Variants in CPED1 observed in about 807,000 individuals in gnomAD.
CPED1 encodes the protein cadherin like and PC-esterase domain containing 1.
In CPED1, 114 loss-of-function variants were observed where a neutral mutation model predicts 128.2. That is an observed-to-expected ratio of 0.89 (90% confidence interval 0.76 to 1.04). CPED1 has a LOEUF of 1.04. CPED1 is among the 50% of genes least tolerant of loss of function. The pLI, the probability that CPED1 is intolerant of heterozygous loss-of-function variation, is 0.00. For missense variants in CPED1, 1,211 were observed against 1,207.1 expected, an observed-to-expected ratio of 1.00 and a Z score of -0.05; for synonymous variants, 462 against 426.7, an observed-to-expected ratio of 1.08 and a Z score of -1.02.
intron 22 of CPED1, among the ~76,000 whole-genome samples, chr7:121,292,211 T>G (rs562483632): frequency 6.6e-6 from 1 of 152,046 alleles, no homozygotes; most frequent in South Asian, 2.1e-4. Context: ...TTCATTCCTT[T>G]TCTTTTCATT....
At chr7:121,120,409 G>A (rs2116300341) in intron 7 of CPED1, among the ~76,000 whole-genome samples, 1 of 152,246 alleles carries the variant, frequency 6.6e-6, no homozygotes, top group Admixed American at 6.5e-5. Flanking sequence ...GTGATATCGA[G>A]CATCTTTTTA....
intron 16 of CPED1, among the ~76,000 whole-genome samples, chr7:121,149,368 A>G (rs569996832): frequency 4.6e-5 from 7 of 152,262 alleles, no homozygotes; most frequent in Non-Finnish European, 8.8e-5. Flanking sequence ...TTCAATCATG[A>G]TCTGTTTCAG....
chr7:121,092,159 C>G (rs1794588115), intron 5 of CPED1, among the ~76,000 whole-genome samples: 1 of 152,170 alleles, frequency 6.6e-6, no homozygotes, highest in African/African-American at 2.4e-5. Flanking sequence ...TGGATCCCTT[C>G]CTGGGACTGC....
Position 121,249,946 on chromosome 7 carries a change from G to C in CPED1, c.2310+5608G>C, listed in dbSNP as rs542526956. On this transcript the variant is annotated intron_variant, in intron 18 of 22. Coordinates refer to ENST00000310396, the MANE Select transcript of CPED1 (RefSeq NM_024913.5). ...AAGTTAACAAGGATATCCAGGAATTGAACTCAGCTCTGCACCAAGCGGAAC... is the reference window on the plus strand; with the variant it reads ...AAGTTAACAAGGATATCCAGGAATTCAACTCAGCTCTGCACCAAGCGGAAC... Among the ~76,000 whole-genome samples, 14 of 152,242 alleles carry C rather than the reference G, an allele frequency of 9.2e-5. No individual in the cohort carries two copies. In the East Asian group the frequency reaches 2.5e-3, roughly 27 times the overall value.
chr7:121,081,308 G>T (rs1457638293), intron 5 of CPED1, among the ~76,000 whole-genome samples: 6 of 152,050 alleles, frequency 3.9e-5, no homozygotes, highest in Admixed American at 3.9e-4. Context: ...TTGAAGTTGT[G>T]GTTAGAAAGG....
At position 120,992,227 on chromosome 7, in the gene CPED1, G is replaced by A. The variant is rs546260557; in HGVS notation, c.249+2357G>A. On this transcript the variant is annotated intron_variant, in intron 2 of 22. Transcript: ENST00000310396. ...CTGAAAACCTAGAATTAGCTTTGAG[G>A]CATTTTATAGAAGTAGCATTGTTTC... 9.9e-5 allele frequency among the ~76,000 whole-genome samples: 15 copies of A among 152,162 alleles called. No homozygotes were observed. The South Asian group carries it at 2.9e-3, about 29-fold the overall frequency.
At chr7:121,170,821 T>C (rs1796635869) in intron 16 of CPED1, among the ~76,000 whole-genome samples, 1 of 151,902 alleles carries the variant, frequency 6.6e-6, no homozygotes, top group African/African-American at 2.4e-5. Flanking sequence ...GAGGCTGAGG[T>C]GGGTGGATCA....
intron 7 of CPED1, among the ~76,000 whole-genome samples, chr7:121,103,455 G>A (rs1794900793): frequency 6.6e-6 from 1 of 152,096 alleles, no homozygotes; most frequent in African/African-American, 2.4e-5. Context: ...TGATGTACTT[G>A]TTATTTCAGT....
chr7:121,084,281 G>A (rs55910643), intron 5 of CPED1, among the ~76,000 whole-genome samples: 65,547 of 151,896 alleles, frequency 0.43, 15,352 homozygotes, highest in East Asian at 0.8. Flanking sequence ...TCTATAACTC[G>A]CCTATCCACA....
At chr7:121,209,008 C>G (rs1159039635) in intron 16 of CPED1, among the ~76,000 whole-genome samples, 5 of 151,970 alleles carry the variant, frequency 3.3e-5, no homozygotes, top group Non-Finnish European at 7.4e-5. Context: ...AAGCTTGCAG[C>G]TAATTCAAGA....
At chr7:121,293,634 G>T (rs1221067498) in intron 22 of CPED1, among the ~76,000 whole-genome samples, 2 of 152,172 alleles carry the variant, frequency 1.3e-5, no homozygotes, top group Non-Finnish European at 2.9e-5. Context: ...GGCCCTGGTG[G>T]CGTCGGCACC....
intron 17 of CPED1, 116 bp downstream of exon 17, chr7:121,236,947 A>T (rs1524506): frequency 0.43 from 210,162 of 492,416 alleles, 47,416 homozygotes; most frequent in Middle Eastern, 0.53. Context: ...TTTTATTGAC[A>T]ATGAACTATA....
intron 16 of CPED1, among the ~76,000 whole-genome samples, chr7:121,200,157 A>T (rs549860615): frequency 1.6e-4 from 24 of 152,276 alleles, no homozygotes; most frequent in African/African-American, 5.8e-4. Flanking sequence ...TTTTCATAAC[A>T]TTATCATATT....
chr7:121,195,441 TCC>T (rs1175660850), intron 16 of CPED1, among the ~76,000 whole-genome samples: 5 of 152,156 alleles, frequency 3.3e-5, no homozygotes, highest in Non-Finnish European at 4.4e-5. Flanking sequence ...TGTTGATAAC[TCC>T]AGCAAAAATT....
chr7:121,280,432 G>A (rs1173325044), intron 22 of CPED1, among the ~76,000 whole-genome samples: 1 of 152,186 alleles, frequency 6.6e-6, no homozygotes, highest in Non-Finnish European at 1.5e-5. Flanking sequence ...CCAACGCTCA[G>A]CGTTGTCCAA....
chr7:121,202,478 T>G (rs1797420506), intron 16 of CPED1, among the ~76,000 whole-genome samples: 1 of 152,178 alleles, frequency 6.6e-6, no homozygotes, highest in Non-Finnish European at 1.5e-5. Flanking sequence ...GGTAGTCTTC[T>G]ATCTAGAAAT....
chr7:121,263,597 C>T (rs1032821495), intron 18 of CPED1, among the ~76,000 whole-genome samples: 1 of 151,954 alleles, frequency 6.6e-6, no homozygotes, highest in South Asian at 2.1e-4. Flanking sequence ...AATTCTGAAA[C>T]AGGACTATTG....
chr7:121,165,160 A>G (rs139552115), intron 16 of CPED1, among the ~76,000 whole-genome samples: 4 of 152,336 alleles, frequency 2.6e-5, no homozygotes, highest in Admixed American at 6.5e-5. Flanking sequence ...ACAAAAAGGA[A>G]CAAAAAAGGA....
intron 22 of CPED1, among the ~76,000 whole-genome samples, chr7:121,292,991 C>T (rs7795061): frequency 0.35 from 53,287 of 151,960 alleles, 9,487 homozygotes; most frequent in South Asian, 0.4. Flanking sequence ...TCACGAGGCA[C>T]GGGGGTCAGG....
Sources: gnomAD v4.1 joint callset for allele counts (sites outside exome capture counted in the v4.1 genomes callset) on GRCh38, gnomAD v4.1.1 for gene constraint, MANE v1.5 for transcripts, NCBI Gene and HGNC (gene_info 2026-07-23, HGNC 2026-07-21) for gene names.